Variants in JAKMIP2 observed in about 807,000 individuals in gnomAD.
JAKMIP2 encodes janus kinase and microtubule interacting protein 2.
Under a neutral mutation model 115.0 loss-of-function variants are expected in JAKMIP2, and 25 were observed. That is an observed-to-expected ratio of 0.22 (90% CI 0.16 to 0.30). The LOEUF is 0.30. Ranked by LOEUF, JAKMIP2 falls within the 10% of genes least tolerant of loss-of-function variation. The pLI is 1.00. For missense variants in JAKMIP2, 642 were observed against 957.6 expected (o/e 0.67, Z 4.35); for synonymous variants, 334 against 343.6 (o/e 0.97, Z 0.31).
At chr5:147,768,233 C>T (rs111484172) in intron 1 of JAKMIP2, among the ~76,000 whole-genome samples, 3,123 of 152,216 alleles carry the variant, frequency 0.021, 111 homozygotes, top group African/African-American at 0.07. Flanking sequence ...CTCTGGGTCT[C>T]TCAGCAAAAT....
At position 147,588,782 on chromosome 5, in the gene JAKMIP2, TAGCAGATA is replaced by T. The variant is rs1754985239; in HGVS notation, c.*2917_*2924del. 6.6e-6 allele frequency: 1 copy of T among 152,154 alleles called. No individual in the cohort carries two copies. Among genetic ancestry groups the T allele is most frequent in the Non-Finnish European group, 1.5e-5 (1 of 68,028 alleles). 9.4% of individuals were successfully genotyped at this position (152,154 alleles called of 1,614,324 possible). A position where few individuals can be genotyped will look rare whatever the true frequency, so the allele number is the denominator to read the frequency against. The stretch of plus-strand genomic sequence containing the variant: ...CTAGCTGTTGTTCTCATATGACTTA[TAGCAGATA>T]AGCAGATTAGGTATATAAACCATAC... On this transcript the variant is annotated 3_prime_UTR_variant, in exon 22 of 22. Transcript: ENST00000616793.
At chr5:147,657,464 C>G (rs1758737230) in intron 3 of JAKMIP2, among the ~76,000 whole-genome samples, 1 of 152,098 alleles carries the variant, frequency 6.6e-6, no homozygotes, top group Non-Finnish European at 1.5e-5. Context: ...CTTGGAAAAT[C>G]TAATGATTAT....
intron 1 of JAKMIP2, among the ~76,000 whole-genome samples, chr5:147,673,759 T>C (rs1332810139): frequency 1.3e-5 from 2 of 152,132 alleles, no homozygotes; most frequent in African/African-American, 4.8e-5. Flanking sequence ...CCAGCACCAA[T>C]AGGCAAAAGG....
intron 1 of JAKMIP2, among the ~76,000 whole-genome samples, chr5:147,764,927 AG>A (rs1580895214): frequency 1.1e-5 from 1 of 88,610 alleles, no homozygotes; most frequent in East Asian, 5.5e-4. Context: ...AGAAAGAGAG[AG>A]AGAGAGAGAG....
At chr5:147,721,010 T>C (rs1561558525) in intron 1 of JAKMIP2, among the ~76,000 whole-genome samples, 2 of 151,458 alleles carry the variant, frequency 1.3e-5, no homozygotes, top group African/African-American at 2.4e-5. Context: ...ATGATGGTGA[T>C]GTACAGATGG....
intron 1 of JAKMIP2, among the ~76,000 whole-genome samples, chr5:147,678,097 C>A (rs988707267): frequency 6.6e-6 from 1 of 152,088 alleles, no homozygotes; most frequent in Non-Finnish European, 1.5e-5. Context: ...CTTTGCCCCC[C>A]GGATTCAAGC....
chr5:147,621,209 C>T (rs548583502), intron 17 of JAKMIP2, among the ~76,000 whole-genome samples: 1 of 152,306 alleles, frequency 6.6e-6, no homozygotes, highest in African/African-American at 2.4e-5. Context: ...AGTGATTCCA[C>T]CCACACTGCT....
intron 3 of JAKMIP2, among the ~76,000 whole-genome samples, chr5:147,656,232 C>T (rs189774806): frequency 4.7e-4 from 72 of 152,302 alleles, no homozygotes; most frequent in African/African-American, 1.6e-3. Context: ...AGTTGAAGTC[C>T]TGAATACCCT....
intron 1 of JAKMIP2, among the ~76,000 whole-genome samples, chr5:147,781,790 A>G (rs1184850052): frequency 2.6e-5 from 4 of 152,230 alleles, no homozygotes; most frequent in African/African-American, 9.6e-5. Flanking sequence ...AATGGTTGCA[A>G]AGCACACCCT....
At chr5:147,704,388 T>C (rs1051387748) in intron 1 of JAKMIP2, among the ~76,000 whole-genome samples, 1 of 152,094 alleles carries the variant, frequency 6.6e-6, no homozygotes, top group Admixed American at 6.6e-5. Context: ...TTCAGCTCCA[T>C]TATAATCTTA....
chr5:147,759,823 G>A (rs998598090), intron 1 of JAKMIP2, among the ~76,000 whole-genome samples: 1 of 152,078 alleles, frequency 6.6e-6, no homozygotes, highest in Non-Finnish European at 1.5e-5. Context: ...TATTTAAAAG[G>A]GTCATTGTGT....
chr5:147,702,596 GAAAGAAGGAAA>G (rs1752389142), intron 1 of JAKMIP2, among the ~76,000 whole-genome samples: 3 of 108,042 alleles, frequency 2.8e-5, no homozygotes, highest in Non-Finnish European at 5.6e-5. Flanking sequence ...AAGAAAGAAA[GAAAGAAGGAAA>G]GAAAGAAAGA....
intron 21 of JAKMIP2, among the ~76,000 whole-genome samples, chr5:147,599,750 C>A (rs1283511600): frequency 6.6e-6 from 1 of 152,088 alleles, no homozygotes; most frequent in Non-Finnish European, 1.5e-5. Flanking sequence ...ACTTGTGAGG[C>A]AGTTTGGTGG....
chr5:147,592,353 G>C (rs927309480), intron 21 of JAKMIP2, among the ~76,000 whole-genome samples: 1 of 152,096 alleles, frequency 6.6e-6, no homozygotes, highest in African/African-American at 2.4e-5. Flanking sequence ...TCCACCTAAA[G>C]TCCTGATTGA....
chr5:147,611,104 T>A (rs998323222), intron 20 of JAKMIP2, among the ~76,000 whole-genome samples: 1 of 151,966 alleles, frequency 6.6e-6, no homozygotes, highest in African/African-American at 2.4e-5. Context: ...ACCCAGTGGG[T>A]CTTAGCTTGC....
chr5:147,739,302 A>G (rs1253129606), intron 1 of JAKMIP2, among the ~76,000 whole-genome samples: 4 of 151,998 alleles, frequency 2.6e-5, no homozygotes, highest in African/African-American at 9.7e-5. Context: ...ATTCTCTCTC[A>G]TTTCTCTAGC....
chr5:147,780,650 A>C (rs1288222710), intron 1 of JAKMIP2, among the ~76,000 whole-genome samples: 1 of 152,174 alleles, frequency 6.6e-6, no homozygotes, highest in African/African-American at 2.4e-5. Flanking sequence ...ATAATATATA[A>C]CATGCTATGA....
At chr5:147,602,394 G>A (rs963008757) in intron 20 of JAKMIP2, among the ~76,000 whole-genome samples, 1 of 152,128 alleles carries the variant, frequency 6.6e-6, no homozygotes, top group Non-Finnish European at 1.5e-5. Context: ...ATTACATTGG[G>A]TTGATGGGTA....
Position 147,686,266 on chromosome 5 carries a change from T to C in JAKMIP2, c.-148-14312A>G, listed in dbSNP as rs909108706. ...CTTCTGAATGTATGCCAGTCTCTTT[T>C]CATGAAGGGACTGTGCAGTCAGTTA... On this transcript the variant is annotated intron_variant, in intron 1 of 21. Coordinates refer to ENST00000616793, the MANE Select transcript of JAKMIP2 (RefSeq NM_001270941.2). Among the ~76,000 whole-genome samples the C allele has an allele frequency of 9.2e-4, 139 of 150,888 alleles. 4 individuals are homozygous for C. The highest frequency in any genetic ancestry group is 1.1e-3 in the Admixed American group (16 of 15,178).
Sources: allele counts gnomAD v4.1 joint callset (sites outside exome capture counted in the v4.1 genomes callset), GRCh38; gene constraint gnomAD v4.1.1; transcripts MANE v1.5; gene names NCBI Gene and HGNC (gene_info 2026-07-23, HGNC 2026-07-21).